RIMS1: variants seen among roughly 807,000 people sequenced by gnomAD.
The protein encoded by RIMS1 is regulating synaptic membrane exocytosis 1, also known as regulating synaptic membrane exocytosis protein 1.
Under a neutral mutation model 214.1 loss-of-function variants are expected in RIMS1, and 83 were observed. The observed-to-expected ratio is 0.39, with a 90% CI of 0.32 to 0.47. The LOEUF is 0.47. Ranked by LOEUF, RIMS1 falls within the 20% of genes least tolerant of loss-of-function variation. The probability of loss-of-function intolerance (pLI) is 0.99; values close to 1 mark genes in which losing one functional copy is unlikely to be tolerated. For missense variants in RIMS1, 2,050 were observed against 2,161.8 expected (o/e 0.95, Z 1.03); for synonymous variants, 793 against 786.8 (o/e 1.01, Z -0.13).
intron 1 of RIMS1, among the ~76,000 whole-genome samples, chr6:71,890,228 A>C (rs930758987): frequency 2.6e-5 from 4 of 152,182 alleles, no homozygotes; most frequent in Non-Finnish European, 1.5e-5. Context: ...TTTATTTGAA[A>C]TTGAAAGTAC....
Position 72,363,442 on chromosome 6 carries a change from G to A in RIMS1, c.4367-27156G>A, listed in dbSNP as rs192546550. ...AAGATAGTGCATAATTTGATTCGCA[G>A]ATTTAAAGATTTTCCTGTTTGGAGA... On this transcript the variant is annotated intron_variant, in intron 29 of 33. Transcript: ENST00000521978. 1.3e-3 allele frequency among the ~76,000 whole-genome samples: 203 copies of A among 152,212 alleles called. 5 individuals are homozygous for A. The highest frequency in any genetic ancestry group is 0.013 in the Admixed American group (197 of 15,288).
At chr6:72,364,032 CTT>C (rs1309640406) in intron 29 of RIMS1, among the ~76,000 whole-genome samples, 1 of 152,196 alleles carries the variant, frequency 6.6e-6, no homozygotes, top group Non-Finnish European at 1.5e-5. Flanking sequence ...CATGAGGTGT[CTT>C]GAGATGAGTC....
intron 6 of RIMS1, among the ~76,000 whole-genome samples, chr6:72,205,014 C>T (rs919192288): frequency 2.0e-5 from 3 of 152,010 alleles, no homozygotes; most frequent in South Asian, 4.1e-4. Context: ...GATGACAAGA[C>T]ATTATTTACT....
intron 2 of RIMS1, among the ~76,000 whole-genome samples, chr6:72,009,614 T>C (rs567067165): frequency 6.6e-6 from 1 of 150,962 alleles, no homozygotes; most frequent in African/African-American, 2.4e-5. Context: ...AAGAATCAAA[T>C]AGACTCAATA....
chr6:72,069,889 A>G (rs72653126), intron 2 of RIMS1, among the ~76,000 whole-genome samples: 11,563 of 152,236 alleles, frequency 0.076, 657 homozygotes, highest in East Asian at 0.28. Context: ...ATTTGTTTGT[A>G]TGTGTTGGGA....
intron 5 of RIMS1, among the ~76,000 whole-genome samples, chr6:72,181,945 A>C (rs542340815): frequency 1.3e-5 from 2 of 152,344 alleles, no homozygotes; most frequent in Non-Finnish European, 2.9e-5. Context: ...TCTAATCCTC[A>C]CATGAACCTT....
chr6:72,383,329 A>G (rs979594926), intron 29 of RIMS1, among the ~76,000 whole-genome samples: 4 of 152,126 alleles, frequency 2.6e-5, no homozygotes, highest in African/African-American at 2.4e-5. Context: ...TCACACTTAC[A>G]TATACAGTAT....
At chr6:71,908,789 T>G (rs1427165051) in intron 1 of RIMS1, among the ~76,000 whole-genome samples, 1 of 152,132 alleles carries the variant, frequency 6.6e-6, no homozygotes, top group Non-Finnish European at 1.5e-5. Flanking sequence ...TAATTAACAT[T>G]TTTACAGTGT....
chr6:72,353,941 C>T (rs754465659), intron 29 of RIMS1, among the ~76,000 whole-genome samples: 6 of 152,144 alleles, frequency 3.9e-5, no homozygotes, highest in African/African-American at 9.7e-5. Context: ...AGGCTTTGGC[C>T]GGGCACGGTG....
intron 6 of RIMS1, among the ~76,000 whole-genome samples, chr6:72,191,813 G>A (rs542628283): frequency 2.0e-4 from 31 of 152,264 alleles, no homozygotes; most frequent in East Asian, 1.9e-3. Flanking sequence ...ATTCACTGTC[G>A]TTCTCCAAGA....
At chr6:72,317,043 A>C (rs539663448) in intron 28 of RIMS1, 2 of 392,742 alleles carry the variant, frequency 5.1e-6, no homozygotes, top group East Asian at 1.2e-4. Flanking sequence ...GAGGGCAGAG[A>C]GGCCACAGAG....
At chr6:71,944,720 CTT>C (rs1171354482) in intron 1 of RIMS1, among the ~76,000 whole-genome samples, 2 of 152,090 alleles carry the variant, frequency 1.3e-5, no homozygotes, top group Non-Finnish European at 2.9e-5. Context: ...GGTGTGTGGA[CTT>C]TATCTCGTGA....
chr6:72,213,297 G>C, intron 6 of RIMS1: 1 of 1,262,040 alleles, frequency 7.9e-7, no homozygotes, highest in Non-Finnish European at 1.1e-6. Flanking sequence ...CACTCCCTCT[G>C]TATCTATTTT....
At chr6:72,257,708 C>T (rs6453583) in intron 16 of RIMS1, among the ~76,000 whole-genome samples, 107,445 of 152,014 alleles carry the variant, frequency 0.71, 38,837 homozygotes, top group East Asian at 0.98. Context: ...GAATAAAAAT[C>T]GAAATGAAGA....
chr6:72,290,621 G>A, intron 24 of RIMS1, 58 bp from the exon 25 acceptor site: 2 of 1,466,566 alleles, frequency 1.4e-6, no homozygotes, highest in Non-Finnish European at 1.9e-6. Context: ...AAATGTGTTG[G>A]TATCAAAGTT....
intron 4 of RIMS1, among the ~76,000 whole-genome samples, chr6:72,143,239 C>T (rs1052339250): frequency 3.9e-5 from 6 of 152,010 alleles, no homozygotes; most frequent in Non-Finnish European, 7.4e-5. Flanking sequence ...TAAATATATA[C>T]GTAGTTGTGG....
At chr6:72,366,763 A>C (rs2098041020) in intron 29 of RIMS1, 1 of 985,848 alleles carries the variant, frequency 1.0e-6, no homozygotes, top group Non-Finnish European at 1.2e-6. Flanking sequence ...TATTCCAGCC[A>C]GCCACCGCAC....
At chr6:72,317,292 C>T in intron 28 of RIMS1, 1 of 287,482 alleles carries the variant, frequency 3.5e-6, no homozygotes, top group South Asian at 4.7e-5. Flanking sequence ...CCCAGTTCTG[C>T]CAGCACCTGC....
At chr6:72,169,675 G>A (rs529330408) in intron 4 of RIMS1, among the ~76,000 whole-genome samples, 16 of 152,120 alleles carry the variant, frequency 1.1e-4, no homozygotes, top group African/African-American at 3.9e-4. Flanking sequence ...AGGCTAAGGC[G>A]GGCAGATTGC....
Sources: allele counts gnomAD v4.1 joint callset (sites outside exome capture counted in the v4.1 genomes callset), GRCh38; gene constraint gnomAD v4.1.1; transcripts MANE v1.5; gene names NCBI Gene and HGNC (gene_info 2026-07-23, HGNC 2026-07-21).